ZBTB40: variants seen among roughly 807,000 people sequenced by gnomAD.
ZBTB40 encodes the protein zinc finger and BTB domain containing 40.
A neutral mutation model predicts 117.5 loss-of-function variants in ZBTB40; 60 were observed. The ratio of observed to expected loss-of-function variants is 0.51; its 90% confidence interval spans 0.41 to 0.63. ZBTB40 has a LOEUF of 0.63. Ranked by LOEUF, ZBTB40 falls within the 30% of genes least tolerant of loss-of-function variation. The probability of loss-of-function intolerance (pLI) is 0.00; values close to 1 mark genes in which losing one functional copy is unlikely to be tolerated. For missense variants in ZBTB40, 1,287 were observed against 1,498.5 expected (o/e 0.86, Z 2.33); for synonymous variants, 525 against 577.1 (o/e 0.91, Z 1.29).
intron 1 of ZBTB40, among the ~76,000 whole-genome samples, chr1:22,454,898 T>C (rs1283923959): frequency 1.3e-5 from 2 of 152,248 alleles, no homozygotes; most frequent in African/African-American, 4.8e-5. Context: ...GGAAACTTTA[T>C]AAAGTGCTAA....
At chr1:22,455,646 A>G (rs950788011) in intron 1 of ZBTB40, among the ~76,000 whole-genome samples, 1 of 152,186 alleles carries the variant, frequency 6.6e-6, no homozygotes, top group East Asian at 1.9e-4. Flanking sequence ...GGGTTCCAGT[A>G]AAGAGCAGGT....
At chr1:22,461,256 G>C (rs1557484036) in intron 1 of ZBTB40, among the ~76,000 whole-genome samples, 2 of 151,842 alleles carry the variant, frequency 1.3e-5, no homozygotes, top group East Asian at 3.9e-4. Context: ...GTTGTAGTCA[G>C]GTTAAAACCA....
chr1:22,506,599 A>G (rs1368941699), intron 6 of ZBTB40, among the ~76,000 whole-genome samples: 1 of 152,134 alleles, frequency 6.6e-6, no homozygotes, highest in African/African-American at 2.4e-5. Flanking sequence ...AAAGCCTCAA[A>G]TCTCCATTGC....
intron 1 of ZBTB40, among the ~76,000 whole-genome samples, chr1:22,467,620 G>A (rs1641287325): frequency 6.6e-6 from 1 of 151,892 alleles, no homozygotes; most frequent in Non-Finnish European, 1.5e-5. Context: ...GATCACAGGT[G>A]GGCACCACTA....
intron 8 of ZBTB40, 117 bp downstream of exon 8, chr1:22,508,848 A>G (rs1639150122): frequency 8.5e-7 from 1 of 1,175,008 alleles, no homozygotes; most frequent in African/African-American, 1.6e-5. Flanking sequence ...TATTAGAAGT[A>G]AGGACTGGCA....
intron 1 of ZBTB40, among the ~76,000 whole-genome samples, chr1:22,443,261 G>T (rs192305176): frequency 6.6e-6 from 1 of 152,234 alleles, no homozygotes; most frequent in Non-Finnish European, 1.5e-5. Context: ...AGTCTCAAAA[G>T]GTCCTCAGAA....
chr1:22,493,920 A>G (rs1223603677), intron 3 of ZBTB40, among the ~76,000 whole-genome samples: 1 of 149,912 alleles, frequency 6.7e-6, no homozygotes, highest in African/African-American at 2.5e-5. Context: ...TCATTTATCC[A>G]CCTCTACTAT....
chr1:22,430,909 A>G (rs895961909), intron 1 of ZBTB40, among the ~76,000 whole-genome samples: 2 of 152,122 alleles, frequency 1.3e-5, no homozygotes, highest in Non-Finnish European at 2.9e-5. Flanking sequence ...ATATGTTGCC[A>G]ATTCTTAGTA....
intron 12 of ZBTB40, among the ~76,000 whole-genome samples, chr1:22,516,370 G>T (rs1639373304): frequency 6.6e-6 from 1 of 152,166 alleles, no homozygotes; most frequent in Non-Finnish European, 1.5e-5. Context: ...GAGCAGTGGG[G>T]AGTTGGACAT....
chr1:22,452,423 C>T (rs961462084), intron 1 of ZBTB40, among the ~76,000 whole-genome samples: 1 of 152,232 alleles, frequency 6.6e-6, no homozygotes, highest in Non-Finnish European at 1.5e-5. Flanking sequence ...CCCTCTCGGT[C>T]TTTGTTTACA....
chr1:22,477,659 AAAAAG>A (rs1557493988), intron 1 of ZBTB40, among the ~76,000 whole-genome samples: 3 of 151,940 alleles, frequency 2.0e-5, no homozygotes, highest in South Asian at 2.1e-4. Context: ...AAAAAAAAAA[AAAAAG>A]AAAAGAAAAG....
At chr1:22,510,570 C>CT (rs1201661287) in intron 9 of ZBTB40, among the ~76,000 whole-genome samples, 3 of 152,216 alleles carry the variant, frequency 2.0e-5, no homozygotes, top group African/African-American at 7.2e-5. Flanking sequence ...TGTACCGACT[C>CT]TTTCTGCTGA....
intron 1 of ZBTB40, among the ~76,000 whole-genome samples, chr1:22,484,203 TCTC>T (rs771737969): frequency 5.3e-5 from 8 of 152,206 alleles, no homozygotes; most frequent in Non-Finnish European, 1.0e-4. Flanking sequence ...ACTTCAGTCT[TCTC>T]CTTCAATATT....
At chr1:22,469,707 T>C (rs1230175760) in intron 1 of ZBTB40, among the ~76,000 whole-genome samples, 1 of 151,988 alleles carries the variant, frequency 6.6e-6, no homozygotes, top group Non-Finnish European at 1.5e-5. Context: ...CCGACTAATT[T>C]TTGTATTTTT....
At position 22,456,212 on chromosome 1, in the gene ZBTB40, G is replaced by A. The variant is rs1048035564; in HGVS notation, c.-70+4208G>A. Among the ~76,000 whole-genome samples the A allele has an allele frequency of 3.9e-5, 6 of 152,318 alleles. No homozygotes were observed. The South Asian group carries it at 6.2e-4, about 16-fold the overall frequency. ...GAGATGAGATTGTCACTTTCTGTAAGTCTAGCAGAGAGTGCAGTATTTCAT... is the reference window on the plus strand; with the variant it reads ...GAGATGAGATTGTCACTTTCTGTAAATCTAGCAGAGAGTGCAGTATTTCAT... On this transcript the variant is annotated intron_variant, in intron 1 of 17. Coordinates refer to ENST00000375647, the MANE Select transcript of ZBTB40 (RefSeq NM_014870.4).
chr1:22,508,488 C>CT, intron 7 of ZBTB40, 42 bp from the exon 8 acceptor site: 1 of 1,609,516 alleles, frequency 6.2e-7, no homozygotes. Context: ...GGGCTAGTGG[C>CT]TGGAGAGTCT....
At chr1:22,475,895 G>A (rs984217568) in intron 1 of ZBTB40, among the ~76,000 whole-genome samples, 2 of 152,176 alleles carry the variant, frequency 1.3e-5, no homozygotes, top group South Asian at 2.1e-4. Flanking sequence ...GTATGAGGAC[G>A]TGTGTATTGC....
At chr1:22,471,573 G>A (rs970993722) in intron 1 of ZBTB40, among the ~76,000 whole-genome samples, 1 of 152,214 alleles carries the variant, frequency 6.6e-6, no homozygotes, top group Non-Finnish European at 1.5e-5. Flanking sequence ...TGTGTGGAAC[G>A]TGCTTAGCAC....
intron 1 of ZBTB40, among the ~76,000 whole-genome samples, chr1:22,456,262 ACT>A (rs1380337813): frequency 1.3e-5 from 2 of 152,008 alleles, no homozygotes; most frequent in African/African-American, 4.8e-5. Context: ...CAGTTTTGAG[ACT>A]CTGGCAGCCC....
Sources: gnomAD v4.1 joint callset for allele counts (sites outside exome capture counted in the v4.1 genomes callset) on GRCh38, gnomAD v4.1.1 for gene constraint, MANE v1.5 for transcripts, NCBI Gene and HGNC (gene_info 2026-07-23, HGNC 2026-07-21) for gene names.